The following ANKRD55 variants were observed in gnomAD, a reference collection of about 807,000 sequenced individuals.
ANKRD55 encodes the protein ankyrin repeat domain 55.
Under a neutral mutation model 60.6 loss-of-function variants are expected in ANKRD55, and 41 were observed. The observed-to-expected ratio is 0.68, with a 90% CI of 0.53 to 0.88. The LOEUF (loss-of-function observed/expected upper bound fraction) is 0.88. ANKRD55 is among the 40% of genes least tolerant of loss of function. ANKRD55 has a pLI of 0.00. For synonymous variants in ANKRD55, 264 were observed against 290.3 expected (o/e 0.91, Z 0.92); for missense variants, 732 against 767.6 (o/e 0.95, Z 0.55).
chr5:56,135,264 TTCCC>T (rs200725926), intron 7 of ANKRD55, among the ~76,000 whole-genome samples: 1,532 of 97,430 alleles, frequency 0.016, 98 homozygotes, highest in African/African-American at 0.064. Context: ...CCTTCCTTCT[TTCCC>T]TCCCTCCCTC....
intron 2 of ANKRD55, among the ~76,000 whole-genome samples, chr5:56,209,708 A>G (rs2591624): frequency 1.3e-5 from 2 of 151,150 alleles, no homozygotes; most frequent in South Asian, 4.2e-4. Flanking sequence ...CTCGTGATCC[A>G]CCCGCCTTGG....
At chr5:56,191,064 T>C (rs1198506899) in intron 2 of ANKRD55, among the ~76,000 whole-genome samples, 1 of 152,212 alleles carries the variant, frequency 6.6e-6, no homozygotes, top group Admixed American at 6.5e-5. Flanking sequence ...ATTCTACTGA[T>C]CTATATGTCT....
At chr5:56,177,232 AGT>A (rs1758756177) in intron 3 of ANKRD55, among the ~76,000 whole-genome samples, 2 of 152,144 alleles carry the variant, frequency 1.3e-5, no homozygotes, top group Non-Finnish European at 2.9e-5. Flanking sequence ...ATTGAGTTGC[AGT>A]CGGCAACTCA....
At position 56,162,831 on chromosome 5, in the gene ANKRD55, G is replaced by A. The variant is rs577700479; in HGVS notation, c.423-2938C>T. 1.8e-4 allele frequency among the ~76,000 whole-genome samples: 28 copies of A among 152,068 alleles called. No homozygotes were observed. In the South Asian group the frequency reaches 5.0e-3, roughly 27 times the overall value. On this transcript the variant is annotated intron_variant, in intron 5 of 11. Coordinates refer to ENST00000341048, the MANE Select transcript of ANKRD55 (RefSeq NM_024669.3). ...TTGCACTACAGGTGTGCACCATCAC[G>A]CCCAACTAATTTTTTAGTGTTTTTA... is the stretch of plus-strand genomic sequence containing the variant.
At chr5:56,171,848 G>T (rs1249722119) in intron 4 of ANKRD55, among the ~76,000 whole-genome samples, 1 of 152,146 alleles carries the variant, frequency 6.6e-6, no homozygotes, top group Non-Finnish European at 1.5e-5. Flanking sequence ...TCTGGGCAGG[G>T]TGGCTCACGC....
chr5:56,138,360 T>C (rs1757668014), intron 7 of ANKRD55, among the ~76,000 whole-genome samples: 1 of 152,130 alleles, frequency 6.6e-6, no homozygotes, highest in Non-Finnish European at 1.5e-5. Flanking sequence ...ACTCCTGATC[T>C]CATGATCCGC....
At chr5:56,148,357 G>A (rs762057077) in intron 6 of ANKRD55, among the ~76,000 whole-genome samples, 5 of 152,202 alleles carry the variant, frequency 3.3e-5, no homozygotes, top group Non-Finnish European at 7.3e-5. Flanking sequence ...CTGGTGACGG[G>A]AGAATTCTAC....
At chr5:56,175,894 G>C in intron 4 of ANKRD55, among the ~76,000 whole-genome samples, 1 of 152,242 alleles carries the variant, frequency 6.6e-6, no homozygotes. Flanking sequence ...ATGCCATTAA[G>C]ATAGAAAAGA....
At chr5:56,138,055 A>T (rs963090851) in intron 7 of ANKRD55, among the ~76,000 whole-genome samples, 5 of 151,754 alleles carry the variant, frequency 3.3e-5, no homozygotes, top group Non-Finnish European at 7.4e-5. Context: ...AACAACAGGA[A>T]CTCTCATTCA....
At chr5:56,158,916 A>T (rs1758258382) in intron 6 of ANKRD55, among the ~76,000 whole-genome samples, 1 of 151,936 alleles carries the variant, frequency 6.6e-6, no homozygotes, top group African/African-American at 2.4e-5. Flanking sequence ...CTGGTCTCAA[A>T]CTCCTGGGTT....
intron 6 of ANKRD55, among the ~76,000 whole-genome samples, chr5:56,146,149 T>G (rs912806406): frequency 6.6e-6 from 1 of 152,210 alleles, no homozygotes; most frequent in Admixed American, 6.5e-5. Flanking sequence ...ACTTTTCAAG[T>G]TACTGGAGCG....
intron 2 of ANKRD55, among the ~76,000 whole-genome samples, chr5:56,198,861 C>T (rs1467938136): frequency 6.6e-6 from 1 of 151,788 alleles, no homozygotes; most frequent in Non-Finnish European, 1.5e-5. Context: ...AGGCGGATCA[C>T]GAGGTCAGGA....
intron 6 of ANKRD55, among the ~76,000 whole-genome samples, chr5:56,151,721 G>A (rs1459253725): frequency 6.6e-6 from 1 of 151,748 alleles, no homozygotes; most frequent in Non-Finnish European, 1.5e-5. Context: ...GCTGAGGCAG[G>A]AGAATCACTT....
At chr5:56,124,927 G>C (rs1757195276) in intron 8 of ANKRD55, among the ~76,000 whole-genome samples, 1 of 152,216 alleles carries the variant, frequency 6.6e-6, no homozygotes, top group Non-Finnish European at 1.5e-5. Flanking sequence ...TGAGGCCTCT[G>C]AATTGAGTAC....
At chr5:56,133,757 C>A (rs1757486896) in intron 7 of ANKRD55, among the ~76,000 whole-genome samples, 2 of 113,642 alleles carry the variant, frequency 1.8e-5, no homozygotes, top group African/African-American at 2.9e-5. Flanking sequence ...ATACTTTGAA[C>A]AAAAGGAAGA....
rs1247442400 is a variant in ANKRD55, at chr5:56,170,859, C to G, written c.313-56G>C. ...TAACAGAAGCTCACGTAACATGGTC[C>G]AACAAACTTTCTCTAGATTTTTTTC... On this transcript the variant is annotated intron_variant, in intron 4 of 11. Transcript: ENST00000341048. 2.0e-6 allele frequency: 3 copies of G among 1,483,620 alleles called. No homozygotes were observed. In the African/African-American group the frequency reaches 4.2e-5, roughly 21 times the overall value. 91.9% of individuals were successfully genotyped at this position (1,483,620 alleles called of 1,614,324 possible).
chr5:56,137,560 A>T, intron 7 of ANKRD55: 2 of 685,918 alleles, frequency 2.9e-6, no homozygotes, highest in East Asian at 5.0e-5. Context: ...TGCAATTAAA[A>T]GTAAAAGAAA....
chr5:56,192,941 G>A (rs1759136463), intron 2 of ANKRD55: 3 of 640,344 alleles, frequency 4.7e-6, no homozygotes, highest in Non-Finnish European at 8.0e-6. Flanking sequence ...CTTCCGTGCT[G>A]TGGGATTGAA....
At chr5:56,151,359 G>A (rs752093688) in intron 6 of ANKRD55, among the ~76,000 whole-genome samples, 3 of 152,098 alleles carry the variant, frequency 2.0e-5, no homozygotes, top group Non-Finnish European at 4.4e-5. Context: ...TTTTTTGAGA[G>A]TAGGTTTTGG....
Sources: allele counts gnomAD v4.1 joint callset (sites outside exome capture counted in the v4.1 genomes callset), GRCh38; gene constraint gnomAD v4.1.1; transcripts MANE v1.5; gene names NCBI Gene and HGNC (gene_info 2026-07-23, HGNC 2026-07-21).